Variants in VWA5B1 observed in about 807,000 individuals in gnomAD.
VWA5B1 encodes von Willebrand factor A domain-containing protein 5B1.
In VWA5B1, 115 loss-of-function variants were observed where a neutral mutation model predicts 118.2. The ratio of observed to expected loss-of-function variants is 0.97; its 90% confidence interval spans 0.84 to 1.14. VWA5B1 has a LOEUF of 1.14. Among genes scored for constraint, VWA5B1 ranks in the 50% most tolerant of loss-of-function variants. The probability of loss-of-function intolerance (pLI) is 0.00; values close to 1 mark genes in which losing one functional copy is unlikely to be tolerated. For missense variants in VWA5B1, 1,596 were observed against 1,603.8 expected (o/e 1.00, Z 0.08); for synonymous variants, 682 against 658.4 (o/e 1.04, Z -0.55).
At position 20,356,779 on chromosome 1, in the gene VWA5B1, T is replaced by C. The variant is rs1474953612; in HGVS notation, c.*2516T>C. Among the ~76,000 whole-genome samples the C allele has an allele frequency of 1.3e-5, 2 of 152,196 alleles. No individual in the cohort carries two copies. The highest frequency in any genetic ancestry group is 3.2e-3 in the Middle Eastern group (1 of 316). On this transcript the variant is annotated 3_prime_UTR_variant, in exon 22 of 22. Transcript: ENST00000289815. ...AAAGGTGCAGAAGAACAAATCTTCA[T>C]TGGTTGCAAATAACCCAAGAGCTAT...
At chr1:20,317,938 G>A (rs1405552090) in intron 5 of VWA5B1, among the ~76,000 whole-genome samples, 1 of 151,444 alleles carries the variant, frequency 6.6e-6, no homozygotes, top group Admixed American at 6.6e-5. Context: ...GTGGCCCTTG[G>A]TTCTCTCCTA....
chr1:20,313,040 C>A (rs572544566), intron 3 of VWA5B1, 52 bp downstream of exon 3: 319 of 1,534,510 alleles, frequency 2.1e-4, no homozygotes, highest in Non-Finnish European at 2.6e-4. Context: ...CAGCCAGAGG[C>A]TGCCTGGGCT....
At chr1:20,315,285 A>G (rs918164208) in intron 4 of VWA5B1, among the ~76,000 whole-genome samples, 2 of 152,196 alleles carry the variant, frequency 1.3e-5, no homozygotes, top group South Asian at 2.1e-4. Context: ...GTGGCACGCA[A>G]TGAGGCTGCA....
intron 16 of VWA5B1, 123 bp from the exon 17 acceptor site, chr1:20,345,333 A>T (rs1348344255): frequency 3.8e-6 from 5 of 1,305,620 alleles, no homozygotes; most frequent in Non-Finnish European, 5.2e-6. Context: ...CTTGATTTTA[A>T]AGGCTTCTTT....
chr1:20,340,819 A>G (rs191588289), intron 14 of VWA5B1, among the ~76,000 whole-genome samples: 31 of 152,354 alleles, frequency 2.0e-4, no homozygotes, highest in Admixed American at 6.5e-4. Flanking sequence ...CCTTCTAGAA[A>G]TATTAATACT....
At chr1:20,343,490 C>A in intron 16 of VWA5B1, 97 bp downstream of exon 16, 3 of 1,427,472 alleles carry the variant, frequency 2.1e-6, no homozygotes, top group Non-Finnish European at 2.7e-6. Context: ...CCCGGTGATC[C>A]TCTCAGCCCC....
chr1:20,331,295 A>T (rs1249752338), intron 11 of VWA5B1, among the ~76,000 whole-genome samples: 1 of 152,236 alleles, frequency 6.6e-6, no homozygotes, highest in Non-Finnish European at 1.5e-5. Context: ...CCATATCTGG[A>T]CATGTTCCTG....
intron 5 of VWA5B1, among the ~76,000 whole-genome samples, chr1:20,318,248 A>G (rs1429160066): frequency 6.6e-6 from 1 of 151,646 alleles, no homozygotes; most frequent in African/African-American, 2.4e-5. Flanking sequence ...AGGTGCGTTT[A>G]TGGAGCACCC....
chr1:20,321,413 C>T (rs1305198025), intron 7 of VWA5B1, among the ~76,000 whole-genome samples: 5 of 152,032 alleles, frequency 3.3e-5, no homozygotes, highest in South Asian at 2.1e-4. Context: ...GGCGAAACCC[C>T]GTCTCTACTA....
rs894500700 is a variant in VWA5B1 at position 20,357,746 on chromosome 1, G to A, written c.*3483G>A. Among the ~76,000 whole-genome samples, 3 of 152,184 alleles carry A rather than the reference G, an allele frequency of 2.0e-5. No homozygotes were observed. The highest frequency in any genetic ancestry group is 7.2e-5 in the African/African-American group (3 of 41,440). On this transcript the variant is annotated 3_prime_UTR_variant, in exon 22 of 22. Coordinates refer to ENST00000289815, the MANE Select transcript of VWA5B1 (RefSeq NM_001039500.3). Reference sequence around the variant, plus strand: ...GTTTGTCTTCACTGGCCCTAGAATGGTCCTGCCATCTGTGGGTGTGGCCTC... The same window carrying A: ...GTTTGTCTTCACTGGCCCTAGAATGATCCTGCCATCTGTGGGTGTGGCCTC...
In VWA5B1 at chr1:20,327,960, C is replaced by A; in HGVS notation, c.1214C>A (p.Thr405Lys). The change falls in exon 9 of 22, where the codon ACA (threonine) becomes AAA (lysine). Residue 405 changes from threonine to lysine, a missense_variant. Coordinates refer to ENST00000289815, the MANE Select transcript of VWA5B1 (RefSeq NM_001039500.3). The part of the protein sequence containing the change: ...CLFNIIGFGS[T>K]FKSLFPSSQT... Reference sequence around the variant, plus strand: ...TTCAATATCATTGGGTTTGGATCCACATTTAAGAGCCTTTTTCCTTCCAGC... The same window carrying A: ...TTCAATATCATTGGGTTTGGATCCAAATTTAAGAGCCTTTTTCCTTCCAGC... 3 of 1,551,554 alleles carry A rather than the reference C, an allele frequency of 1.9e-6. 1 individual carries two copies. In the Middle Eastern group the frequency reaches 5.0e-4, roughly 259 times the overall value.
At chr1:20,352,388 T>C (rs998581347) in intron 21 of VWA5B1, among the ~76,000 whole-genome samples, 8 of 152,178 alleles carry the variant, frequency 5.3e-5, no homozygotes, top group African/African-American at 1.9e-4. Flanking sequence ...CCCAGAGGCC[T>C]AGGGATATTG....
intron 17 of VWA5B1, among the ~76,000 whole-genome samples, chr1:20,347,152 C>T (rs1316235096): frequency 5.9e-5 from 9 of 152,196 alleles, no homozygotes; most frequent in Non-Finnish European, 1.2e-4. Context: ...GTCTCATGTC[C>T]TATGAATAGC....
At chr1:20,352,385 GC>G (rs1204157444) in intron 21 of VWA5B1, among the ~76,000 whole-genome samples, 2 of 152,178 alleles carry the variant, frequency 1.3e-5, no homozygotes, top group African/African-American at 4.8e-5. Flanking sequence ...CTGCCCAGAG[GC>G]CTAGGGATAT....
chr1:20,344,239 C>T (rs887340128), intron 16 of VWA5B1, among the ~76,000 whole-genome samples: 1 of 151,928 alleles, frequency 6.6e-6, no homozygotes, highest in African/African-American at 2.4e-5. Flanking sequence ...CTTATGGGCG[C>T]CCCATTTCCC....
At position 20,323,345 on chromosome 1, in the gene VWA5B1, T is replaced by C; in HGVS notation, c.967-11T>C. ...CTGATTGCCCAATCAGAGTGTTCTT[T>C]CCTCTTCCAGACAGAAATCATTCGA... On this transcript the variant is annotated splice_polypyrimidine_tract_variant and intron_variant, in intron 7 of 21. Transcript: ENST00000289815. The C allele has an allele frequency of 6.9e-7, 1 of 1,451,854 alleles. No individual in the cohort carries two copies. The highest frequency in any genetic ancestry group is 2.6e-5 in the Admixed American group (1 of 38,496). 89.9% of individuals were successfully genotyped at this position (1,451,854 alleles called of 1,614,324 possible). A position where few individuals can be genotyped will look rare whatever the true frequency, so the allele number is the denominator to read the frequency against.
chr1:20,331,633 G>T (rs1264714603), intron 11 of VWA5B1, among the ~76,000 whole-genome samples: 2 of 152,100 alleles, frequency 1.3e-5, no homozygotes, highest in Non-Finnish European at 2.9e-5. Context: ...CCATCCAGCA[G>T]GGAGCTCTGG....
chr1:20,301,280 T>C (rs890151984), intron 1 of VWA5B1, among the ~76,000 whole-genome samples: 1 of 152,178 alleles, frequency 6.6e-6, no homozygotes, highest in Non-Finnish European at 1.5e-5. Flanking sequence ...GAAAAGGGAA[T>C]GAAAGCAATA....
At chr1:20,304,064 C>T (rs1156995970) in intron 1 of VWA5B1, among the ~76,000 whole-genome samples, 1 of 152,188 alleles carries the variant, frequency 6.6e-6, no homozygotes, top group Non-Finnish European at 1.5e-5. Context: ...ATTCAGAGCC[C>T]CTCCTCCAAA....
Sources: gnomAD v4.1 joint callset for allele counts (sites outside exome capture counted in the v4.1 genomes callset) on GRCh38, gnomAD v4.1.1 for gene constraint, MANE v1.5 for transcripts, NCBI Gene and HGNC (gene_info 2026-07-23, HGNC 2026-07-21) for gene names.